The following CPXM2 variants were observed in gnomAD, a reference collection of about 807,000 sequenced individuals.
CPXM2 encodes inactive carboxypeptidase-like protein X2.
Under a neutral mutation model 86.1 loss-of-function variants are expected in CPXM2, and 66 were observed. The observed-to-expected ratio is 0.77, with a 90% CI of 0.63 to 0.94. The LOEUF is 0.94. Ranked by LOEUF, CPXM2 falls within the 40% of genes least tolerant of loss-of-function variation. CPXM2 has a pLI of 0.00. For missense variants in CPXM2, 948 were observed against 1,026.3 expected, an observed-to-expected ratio of 0.92 and a Z score of 1.04; for synonymous variants, 388 against 400.2, an observed-to-expected ratio of 0.97 and a Z score of 0.36.
chr10:123,869,963 T>G (rs1944864326), intron 2 of CPXM2, among the ~76,000 whole-genome samples: 1 of 152,094 alleles, frequency 6.6e-6, no homozygotes, highest in Non-Finnish European at 1.5e-5. Context: ...CACCCCACCT[T>G]CAGTATCCCA....
At chr10:123,880,720 T>A (rs548808980) in intron 1 of CPXM2, among the ~76,000 whole-genome samples, 2 of 147,878 alleles carry the variant, frequency 1.4e-5, no homozygotes, top group Non-Finnish European at 3.0e-5. Flanking sequence ...TCCCAGCTAC[T>A]TGGGAGGCTG....
At chr10:123,827,466 A>T (rs548413027) in intron 4 of CPXM2, among the ~76,000 whole-genome samples, 1 of 152,346 alleles carries the variant, frequency 6.6e-6, no homozygotes, top group South Asian at 2.1e-4. Context: ...GCTCAAAAAG[A>T]CAAAATACTT....
intron 2 of CPXM2, among the ~76,000 whole-genome samples, chr10:123,905,200 A>T (rs952674373): frequency 2.0e-5 from 3 of 152,208 alleles, no homozygotes; most frequent in African/African-American, 4.8e-5. Flanking sequence ...AAAAGAGGAA[A>T]TGAAGAGAAA....
intron 4 of CPXM2, among the ~76,000 whole-genome samples, chr10:123,831,480 C>T (rs1848165153): frequency 6.6e-6 from 1 of 152,204 alleles, no homozygotes; most frequent in South Asian, 2.1e-4. Context: ...GCCCTCGGCA[C>T]TTTGCCTTTT....
At chr10:123,774,921 A>C (rs1846745213) in intron 7 of CPXM2, among the ~76,000 whole-genome samples, 1 of 152,202 alleles carries the variant, frequency 6.6e-6, no homozygotes, top group South Asian at 2.1e-4. Context: ...AACGTCACCA[A>C]TTGTGTTAAC....
intron 7 of CPXM2, among the ~76,000 whole-genome samples, 185 bp from the exon 8 acceptor site, chr10:123,771,224 A>G (rs975839158): frequency 6.6e-6 from 1 of 152,046 alleles, no homozygotes; most frequent in Non-Finnish European, 1.5e-5. Context: ...TGCCCTGGAT[A>G]ATGCCCACTT....
At chr10:123,849,221 C>G (rs186392491) in intron 3 of CPXM2, among the ~76,000 whole-genome samples, 191 of 152,212 alleles carry the variant, frequency 1.3e-3, no homozygotes, top group African/African-American at 4.4e-3. Context: ...GTGCATACCT[C>G]TGAAAATGCT....
chr10:123,798,210 AG>A, intron 5 of CPXM2, 84 bp from the exon 6 acceptor site: 1 of 1,272,032 alleles, frequency 7.9e-7, no homozygotes, highest in Non-Finnish European at 1.1e-6. Context: ...TCATTCAACA[AG>A]ACTTTATTGA....
At chr10:123,775,109 T>C (rs1369417103) in intron 7 of CPXM2, among the ~76,000 whole-genome samples, 1 of 152,180 alleles carries the variant, frequency 6.6e-6, no homozygotes, top group Non-Finnish European at 1.5e-5. Context: ...GCCAGGACTT[T>C]GGCCTTTCAG....
intron 11 of CPXM2, among the ~76,000 whole-genome samples, chr10:123,758,942 C>CT (rs1411144420): frequency 2.6e-5 from 4 of 152,186 alleles, no homozygotes; most frequent in African/African-American, 9.7e-5. Flanking sequence ...AAGAGCAACT[C>CT]TATCAATCTG....
chr10:123,847,717 A>G (rs1848525376), intron 3 of CPXM2, among the ~76,000 whole-genome samples: 1 of 152,224 alleles, frequency 6.6e-6, no homozygotes, highest in South Asian at 2.1e-4. Context: ...GGAAAGGGAT[A>G]CATAGATATA....
At chr10:123,801,291 C>A (rs1004513058) in intron 4 of CPXM2, among the ~76,000 whole-genome samples, 1 of 152,156 alleles carries the variant, frequency 6.6e-6, no homozygotes, top group South Asian at 2.1e-4. Context: ...TCTTGCCTGC[C>A]GCCAGGTGAG....
intron 6 of CPXM2, among the ~76,000 whole-genome samples, chr10:123,782,160 G>A (rs1277717533): frequency 6.6e-6 from 1 of 152,210 alleles, no homozygotes; most frequent in Non-Finnish European, 1.5e-5. Flanking sequence ...TTCCTTTTAG[G>A]AGTGGAGGCT....
At chr10:123,876,921 C>G (rs931841384) in intron 2 of CPXM2, among the ~76,000 whole-genome samples, 1 of 152,242 alleles carries the variant, frequency 6.6e-6, no homozygotes, top group African/African-American at 2.4e-5. Context: ...AAGTTAGTAA[C>G]TTGTCCAGAG....
intron 6 of CPXM2, among the ~76,000 whole-genome samples, chr10:123,790,374 A>G (rs968090000): frequency 6.6e-6 from 1 of 151,896 alleles, no homozygotes; most frequent in Non-Finnish European, 1.5e-5. Context: ...GGAGCAGGTG[A>G]CTAGGAGTGA....
rs879491929 is a variant in CPXM2 at position 123,865,946 on chromosome 10, C to T, written c.404-3223G>A. On this transcript the variant is annotated intron_variant, in intron 2 of 13. Coordinates refer to ENST00000241305, the MANE Select transcript of CPXM2 (RefSeq NM_198148.3). This position sits in a 1 kb window ranked among gnomAD's most constrained non-coding sequence, Gnocchi z 4.7. ...CTTTGGGACTCCTCAGCCTCTTCTCCGTTTTTCTGTACTGGGCCCCACAAT... is the reference window on the plus strand; with the variant it reads ...CTTTGGGACTCCTCAGCCTCTTCTCTGTTTTTCTGTACTGGGCCCCACAAT... Among the ~76,000 whole-genome samples the T allele has an allele frequency of 6.6e-6, 1 of 152,114 alleles. No individual in the cohort carries two copies.
intron 1 of CPXM2, among the ~76,000 whole-genome samples, chr10:123,883,446 G>A (rs1380822071): frequency 6.6e-6 from 1 of 152,236 alleles, no homozygotes; most frequent in Non-Finnish European, 1.5e-5. Context: ...TCAGTGAAAG[G>A]AGAAGGCAAC....
chr10:123,832,614 G>T (rs1274916136), intron 4 of CPXM2, among the ~76,000 whole-genome samples: 1 of 152,020 alleles, frequency 6.6e-6, no homozygotes, highest in African/African-American at 2.4e-5. Flanking sequence ...ATCACCTGAG[G>T]TCAGGAGTTC....
At chr10:123,863,512 G>A (rs1320544567) in intron 2 of CPXM2, among the ~76,000 whole-genome samples, 1 of 152,182 alleles carries the variant, frequency 6.6e-6, no homozygotes, top group African/African-American at 2.4e-5. Context: ...CTTCCCCAGG[G>A]TTTGCCCTCA....
Sources: gnomAD v4.1 joint callset for allele counts (sites outside exome capture counted in the v4.1 genomes callset) on GRCh38, gnomAD v4.1.1 for gene constraint, Gnocchi (gnomAD v3.1) non-coding constraint, MANE v1.5 for transcripts, NCBI Gene and HGNC (gene_info 2026-07-23, HGNC 2026-07-21) for gene names.